The following NT5E variants were observed in gnomAD, a reference collection of about 807,000 sequenced individuals.
NT5E encodes 5'-nucleotidase.
A neutral mutation model predicts 55.1 loss-of-function variants in NT5E; 53 were observed. That is an observed-to-expected ratio of 0.96 (90% CI 0.77 to 1.21). The LOEUF (loss-of-function observed/expected upper bound fraction) is 1.21, where lower values mean the gene tolerates loss of function less well. Among genes scored for constraint, NT5E ranks in the 50% most tolerant of loss-of-function variants. The pLI is 0.00. For synonymous variants in NT5E, 270 were observed against 278.4 expected (o/e 0.97, Z 0.30); for missense variants, 683 against 724.3 (o/e 0.94, Z 0.65).
At chr6:85,477,114 T>G (rs1260953211) in intron 3 of NT5E, among the ~76,000 whole-genome samples, 1 of 152,126 alleles carries the variant, frequency 6.6e-6, no homozygotes, top group Non-Finnish European at 1.5e-5. Flanking sequence ...CCCTTATTTT[T>G]TTTAGAGCTC....
chr6:85,481,711 TG>T (rs1257883449), intron 3 of NT5E, among the ~76,000 whole-genome samples: 2 of 152,234 alleles, frequency 1.3e-5, no homozygotes, highest in Non-Finnish European at 2.9e-5. Flanking sequence ...GCAGACTGAA[TG>T]TTCCAGATGA....
intron 3 of NT5E, among the ~76,000 whole-genome samples, chr6:85,482,122 A>G (rs1195374346): frequency 6.6e-6 from 1 of 152,252 alleles, no homozygotes; most frequent in Non-Finnish European, 1.5e-5. Context: ...TGTTGTCCCA[A>G]TTCAGGAATT....
intron 4 of NT5E, among the ~76,000 whole-genome samples, chr6:85,485,981 T>C (rs1769649333): frequency 1.3e-5 from 2 of 152,138 alleles, no homozygotes; most frequent in Non-Finnish European, 2.9e-5. Flanking sequence ...ACACACAAGA[T>C]AGTGAAAGCT....
At chr6:85,466,964 A>G (rs909821705) in intron 1 of NT5E, 96 bp from the exon 2 acceptor site, 2 of 1,155,120 alleles carry the variant, frequency 1.7e-6, no homozygotes, top group Non-Finnish European at 2.6e-6. Flanking sequence ...AAATCATGCA[A>G]TATGTCTCAT....
intron 7 of NT5E, chr6:85,491,362 G>A: frequency 6.0e-6 from 2 of 330,782 alleles, no homozygotes; most frequent in Admixed American, 4.3e-5. Context: ...CTTAGGTTGT[G>A]GTCCCGCTTG....
At chr6:85,482,591 G>A (rs1254219939) in intron 3 of NT5E, among the ~76,000 whole-genome samples, 1 of 152,144 alleles carries the variant, frequency 6.6e-6, no homozygotes, top group Non-Finnish European at 1.5e-5. Flanking sequence ...GGAAAATGCA[G>A]GCTTTATAAA....
chr6:85,473,498 T>A lies in NT5E; in HGVS notation c.751+2073T>A, dbSNP rs560546263. ...CACAGTGGGAGCTAGATATGTCTCC[T>A]CCCCCTTCTTCCTTTAGAATAATGG... On this transcript the variant is annotated intron_variant, in intron 3 of 8. Transcript: ENST00000257770. Among the ~76,000 whole-genome samples the A allele has an allele frequency of 2.6e-5, 4 of 152,218 alleles. No individual in the cohort carries two copies. The East Asian group carries it at 7.7e-4, about 29-fold the overall frequency.
chr6:85,472,378 A>G (rs1369365845), intron 3 of NT5E, among the ~76,000 whole-genome samples: 1 of 152,270 alleles, frequency 6.6e-6, no homozygotes, highest in Non-Finnish European at 1.5e-5. Flanking sequence ...TATCACTAAG[A>G]AAGTAATTTT....
chr6:85,480,168 T>A (rs761053856), intron 3 of NT5E, among the ~76,000 whole-genome samples: 4 of 152,198 alleles, frequency 2.6e-5, no homozygotes, highest in Non-Finnish European at 5.9e-5. Context: ...CAGGGTTCCC[T>A]GCTTTGCCCA....
intron 2 of NT5E, among the ~76,000 whole-genome samples, chr6:85,469,506 T>C (rs1769262221): frequency 6.6e-6 from 1 of 151,848 alleles, no homozygotes; most frequent in African/African-American, 2.4e-5. Context: ...GCTAAGGCTG[T>C]GGAGAAGAAT....
At chr6:85,479,272 T>C (rs1452478214) in intron 3 of NT5E, among the ~76,000 whole-genome samples, 2 of 152,220 alleles carry the variant, frequency 1.3e-5, no homozygotes. Flanking sequence ...AAACCAGGAA[T>C]GCAGTGGTTT....
chr6:85,476,501 G>A (rs879770119), intron 3 of NT5E, among the ~76,000 whole-genome samples: 29 of 152,320 alleles, frequency 1.9e-4, no homozygotes, highest in African/African-American at 2.9e-4. Flanking sequence ...CCCTGGAGCC[G>A]CAGAGGGCAT....
chr6:85,463,957 T>G (rs917190097), intron 1 of NT5E, among the ~76,000 whole-genome samples: 2 of 152,232 alleles, frequency 1.3e-5, no homozygotes, highest in Non-Finnish European at 2.9e-5. Context: ...TTGTTAGTAA[T>G]TCTTTCATTC....
chr6:85,494,726 C>T lies in NT5E; in HGVS notation c.*722C>T, dbSNP rs1052041200. 2 of 152,246 alleles carry T rather than the reference C, an allele frequency of 1.3e-5. No homozygotes were observed. The highest frequency in any genetic ancestry group is 6.5e-5 in the Admixed American group (1 of 15,284). 9.4% of individuals were successfully genotyped at this position (152,246 alleles called of 1,614,324 possible). On this transcript the variant is annotated 3_prime_UTR_variant, in exon 9 of 9. Transcript: ENST00000257770. The stretch of plus-strand genomic sequence containing the variant: ...CAGGATACCATCCTCTCTTGCAACA[C>T]CCATGTGCCTTTGATGAGTCAGGTA...
At chr6:85,455,863 A>G (rs1262394063) in intron 1 of NT5E, among the ~76,000 whole-genome samples, 2 of 152,210 alleles carry the variant, frequency 1.3e-5, no homozygotes, top group Non-Finnish European at 2.9e-5. Flanking sequence ...ACATCTGGTC[A>G]CAGAAGTATT....
chr6:85,474,665 A>G (rs112675755), intron 3 of NT5E, among the ~76,000 whole-genome samples: 1,997 of 152,330 alleles, frequency 0.013, 43 homozygotes, highest in African/African-American at 0.046. Flanking sequence ...ACAGCAGCTC[A>G]TGCCTATAAT....
At chr6:85,469,081 C>A (rs1366154151) in intron 2 of NT5E, among the ~76,000 whole-genome samples, 1 of 152,184 alleles carries the variant, frequency 6.6e-6, no homozygotes, top group Non-Finnish European at 1.5e-5. Context: ...GTCCTAGTGG[C>A]CTGGGCACCC....
intron 1 of NT5E, among the ~76,000 whole-genome samples, chr6:85,458,271 G>C (rs768980875): frequency 2.0e-5 from 3 of 152,210 alleles, no homozygotes; most frequent in Non-Finnish European, 4.4e-5. Flanking sequence ...TAAAGCTCAG[G>C]TGTCAGAAGT....
chr6:85,478,652 T>C (rs1351648664), intron 3 of NT5E, among the ~76,000 whole-genome samples: 1 of 151,832 alleles, frequency 6.6e-6, no homozygotes, highest in Non-Finnish European at 1.5e-5. Context: ...CCTTAGAGAG[T>C]TGTGGAGATT....
Sources: allele counts gnomAD v4.1 joint callset (sites outside exome capture counted in the v4.1 genomes callset), GRCh38; gene constraint gnomAD v4.1.1; transcripts MANE v1.5; gene names NCBI Gene and HGNC (gene_info 2026-07-23, HGNC 2026-07-21).